The following PLEKHA5 variants were observed in gnomAD, a reference collection of about 807,000 sequenced individuals.
PLEKHA5 encodes the protein pleckstrin homology domain containing A5, also known as pleckstrin homology domain-containing family A member 5.
PLEKHA5 carries 55 observed loss-of-function variants against 181.9 expected under a neutral mutation model. The ratio of observed to expected loss-of-function variants is 0.30; its 90% CI spans 0.24 to 0.38. The LOEUF (loss-of-function observed/expected upper bound fraction) is 0.38. Ranked by LOEUF, PLEKHA5 falls within the 10% of genes least tolerant of loss-of-function variation. PLEKHA5 has a pLI of 1.00. For synonymous variants in PLEKHA5, 535 were observed against 529.4 expected, an observed-to-expected ratio of 1.01 and a Z score of -0.15; for missense variants, 1,432 against 1,549.5, an observed-to-expected ratio of 0.92 and a Z score of 1.27.
intron 31 of PLEKHA5, among the ~76,000 whole-genome samples, chr12:19,375,185 A>G (rs1287951594): frequency 1.3e-5 from 2 of 150,702 alleles, no homozygotes; most frequent in Admixed American, 1.3e-4. Flanking sequence ...TTAGCCAGGC[A>G]TGGTGATATG....
chr12:19,231,219 T>TA (rs1246387199), intron 3 of PLEKHA5, among the ~76,000 whole-genome samples: 1 of 152,142 alleles, frequency 6.6e-6, no homozygotes, highest in Non-Finnish European at 1.5e-5. Context: ...ATCATATGTT[T>TA]AATTCTATTC....
At chr12:19,186,661 C>T (rs1214403327) in intron 3 of PLEKHA5, among the ~76,000 whole-genome samples, 1 of 152,018 alleles carries the variant, frequency 6.6e-6, no homozygotes. Context: ...TTGAAACTGA[C>T]CCAAAGCTCT....
At chr12:19,360,607 AAAAAAAG>A (rs534487315) in intron 28 of PLEKHA5, among the ~76,000 whole-genome samples, 4 of 152,018 alleles carry the variant, frequency 2.6e-5, no homozygotes, top group African/African-American at 9.7e-5. Context: ...TTCCGTCTCA[AAAAAAAG>A]AAAAAAGAAA....
chr12:19,339,437 GC>G (rs1388523634), intron 21 of PLEKHA5, among the ~76,000 whole-genome samples: 1 of 152,042 alleles, frequency 6.6e-6, no homozygotes, highest in Admixed American at 6.6e-5. Context: ...GATTTAACCT[GC>G]CAAAAAATAT....
At chr12:19,248,420 A>G (rs1486301553) in intron 3 of PLEKHA5, among the ~76,000 whole-genome samples, 1 of 151,856 alleles carries the variant, frequency 6.6e-6, no homozygotes, top group Non-Finnish European at 1.5e-5. Context: ...CTGGTCTCAA[A>G]CTCCCGGCCT....
intron 11 of PLEKHA5, among the ~76,000 whole-genome samples, chr12:19,276,878 A>G (rs968287149): frequency 8.5e-5 from 13 of 152,232 alleles, no homozygotes; most frequent in Non-Finnish European, 1.5e-5. Context: ...ATAAATATAT[A>G]TAATCTTATT....
chr12:19,253,789 C>T, intron 3 of PLEKHA5, 151 bp from the exon 4 acceptor site: 1 of 618,548 alleles, frequency 1.6e-6, no homozygotes, highest in Non-Finnish European at 2.9e-6. Context: ...CATTGCACTC[C>T]AACCTGGGCG....
At chr12:19,165,075 C>T (rs748815549) in intron 3 of PLEKHA5, among the ~76,000 whole-genome samples, 2 of 152,148 alleles carry the variant, frequency 1.3e-5, no homozygotes, top group Admixed American at 6.6e-5. Context: ...CCGTTCTGTC[C>T]TTCATGAAGA....
rs576394637 is a variant in PLEKHA5, at chr12:19,375,060, A to G, written c.*12-471A>G. 1.6e-4 allele frequency among the ~76,000 whole-genome samples: 25 copies of G among 152,054 alleles called. No homozygotes were observed. In the South Asian group the frequency reaches 5.0e-3, roughly 30 times the overall value. On this transcript the variant is annotated intron_variant, in intron 31 of 31. Coordinates refer to ENST00000429027, the MANE Select transcript of PLEKHA5 (RefSeq NM_001256470.2). ...CTTGTGGGGCCGGGTATAGTGGCTC[A>G]TGCCTGTAATCCTAGCACTTTGGGA...
rs192195358 is a variant in PLEKHA5 at position 19,347,718 on chromosome 12, A to T, written c.2898+536A>T. 3.1e-3 allele frequency among the ~76,000 whole-genome samples: 475 copies of T among 152,262 alleles called. 6 individuals are homozygous for T. Among genetic ancestry groups the T allele is most frequent in the Non-Finnish European group, 7.5e-4 (51 of 68,016 alleles). The stretch of plus-strand genomic sequence containing the variant: ...GAAAAAGGAAATTAGAATTGAGCTA[A>T]TTTGAGAACAACAAAATGTCTGTGA... On this transcript the variant is annotated intron_variant, in intron 24 of 31. Coordinates refer to ENST00000429027, the MANE Select transcript of PLEKHA5 (RefSeq NM_001256470.2).
At chr12:19,273,741 G>A (rs1044714904) in intron 10 of PLEKHA5, among the ~76,000 whole-genome samples, 17 of 152,178 alleles carry the variant, frequency 1.1e-4, no homozygotes, top group African/African-American at 3.4e-4. Flanking sequence ...TCAGTGGCCA[G>A]GTGGACATGG....
intron 3 of PLEKHA5, among the ~76,000 whole-genome samples, chr12:19,178,619 C>A (rs1358779295): frequency 6.6e-6 from 1 of 152,174 alleles, no homozygotes; most frequent in South Asian, 2.1e-4. Context: ...TTACCTCTTT[C>A]TAGTGAGAGA....
intron 3 of PLEKHA5, among the ~76,000 whole-genome samples, chr12:19,140,147 C>T (rs1030527762): frequency 4.6e-5 from 7 of 152,118 alleles, no homozygotes; most frequent in Non-Finnish European, 7.4e-5. Flanking sequence ...CCAAAAAATT[C>T]TGCCCGTCTG....
At chr12:19,318,504 G>GT (rs1490470807) in intron 16 of PLEKHA5, among the ~76,000 whole-genome samples, 2 of 151,932 alleles carry the variant, frequency 1.3e-5, no homozygotes, top group Admixed American at 1.3e-4. Flanking sequence ...ATATACTAAT[G>GT]TTTTTTTCTG....
chr12:19,366,547 A>G lies in PLEKHA5; in HGVS notation c.3754+438A>G, dbSNP rs1161134181. ...CAGCCACCTCCAATCCCAGCTACTC[A>G]GGAGGCTGAGGCAGAGAATTGCTTG... On this transcript the variant is annotated intron_variant, in intron 30 of 31. Coordinates refer to ENST00000429027, the MANE Select transcript of PLEKHA5 (RefSeq NM_001256470.2). 2.6e-5 allele frequency among the ~76,000 whole-genome samples: 4 copies of G among 152,070 alleles called. No homozygotes were observed. In the East Asian group the frequency reaches 7.7e-4, roughly 29 times the overall value.
chr12:19,164,196 TG>T lies in PLEKHA5; in HGVS notation c.227+31747del, dbSNP rs374228836. On this transcript the variant is annotated intron_variant, in intron 3 of 31. Coordinates refer to ENST00000429027, the MANE Select transcript of PLEKHA5 (RefSeq NM_001256470.2). ...CCACTTCTTGCTCTCCAGATGTTTT[TG>T]TTTTTTTTTTTTTTTTTTTGAGATG... Among the ~76,000 whole-genome samples, 335 of 125,336 alleles carry T rather than the reference TG, an allele frequency of 2.7e-3. 3 individuals carry two copies. The highest frequency in any genetic ancestry group is 3.6e-3 in the African/African-American group (127 of 35,130). The allele number at this position is 125,336 out of a possible 152,430, so 82.2% of individuals were successfully genotyped here.
chr12:19,129,738 C>G lies in PLEKHA5; in HGVS notation c.-62C>G. 4.4e-6 allele frequency: 6 copies of G among 1,348,556 alleles called. No individual in the cohort carries two copies. The highest frequency in any genetic ancestry group is 6.2e-6 in the Non-Finnish European group (6 of 961,004). 83.5% of individuals were successfully genotyped at this position (1,348,556 alleles called of 1,614,324 possible). On this transcript the variant is annotated 5_prime_UTR_variant, in exon 1 of 32. Coordinates refer to ENST00000429027, the MANE Select transcript of PLEKHA5 (RefSeq NM_001256470.2). The stretch of plus-strand genomic sequence containing the variant: ...CGCGCTCCCTTCGCTCGCTCGTTCC[C>G]TCCTCCCTCGGCAGCCGCGGCGGCA...
chr12:19,366,389 C>G (rs2095423329), intron 30 of PLEKHA5, among the ~76,000 whole-genome samples: 1 of 152,136 alleles, frequency 6.6e-6, no homozygotes, highest in South Asian at 2.1e-4. Context: ...GGTGCGGTGG[C>G]TCACACCTGT....
intron 3 of PLEKHA5, chr12:19,201,451 G>C (rs1268023007): frequency 1.3e-5 from 2 of 151,966 alleles, no homozygotes; most frequent in Non-Finnish European, 1.5e-5. Context: ...AAAATTAATT[G>C]TAAATTTGAC....
Sources: allele counts gnomAD v4.1 joint callset (sites outside exome capture counted in the v4.1 genomes callset), GRCh38; gene constraint gnomAD v4.1.1; transcripts MANE v1.5; gene names NCBI Gene and HGNC (gene_info 2026-07-23, HGNC 2026-07-21).